TUFT1: variants seen among roughly 807,000 people sequenced by gnomAD.
The protein encoded by TUFT1 is tuftelin 1, also known as tuftelin.
Under a neutral mutation model 57.8 loss-of-function variants are expected in TUFT1, and 43 were observed. That is an observed-to-expected ratio of 0.74 (90% CI 0.58 to 0.96). The LOEUF (loss-of-function observed/expected upper bound fraction) is 0.96, where lower values mean the gene tolerates loss of function less well. Among genes scored for constraint, TUFT1 ranks in the 40% least tolerant of loss-of-function variants. The pLI, the probability that TUFT1 is intolerant of heterozygous loss-of-function variation, is 0.00. For synonymous variants in TUFT1, 166 were observed against 176.7 expected, an observed-to-expected ratio of 0.94 and a Z score of 0.48; for missense variants, 459 against 489.0, an observed-to-expected ratio of 0.94 and a Z score of 0.58.
chr1:151,570,294 G>A (rs566067467), intron 7 of TUFT1, among the ~76,000 whole-genome samples: 1 of 152,280 alleles, frequency 6.6e-6, no homozygotes, highest in Admixed American at 6.5e-5. Context: ...TTTGTGGTCT[G>A]GAATGAGTAT....
intron 1 of TUFT1, among the ~76,000 whole-genome samples, chr1:151,547,310 C>T (rs1665370991): frequency 6.6e-6 from 1 of 152,188 alleles, no homozygotes; most frequent in East Asian, 1.9e-4. Flanking sequence ...CATAGTTCTC[C>T]AGGGTGGAGG....
At chr1:151,570,298 T>C (rs1666216906) in intron 7 of TUFT1, among the ~76,000 whole-genome samples, 3 of 152,202 alleles carry the variant, frequency 2.0e-5, no homozygotes, top group Admixed American at 2.0e-4. Context: ...TGGTCTGGAA[T>C]GAGTATCTTT....
chr1:151,555,641 G>A (rs1275743702), intron 1 of TUFT1, among the ~76,000 whole-genome samples: 2 of 151,746 alleles, frequency 1.3e-5, no homozygotes, highest in African/African-American at 2.4e-5. Flanking sequence ...GCCGGACGTT[G>A]TGGTGGGTGC....
chr1:151,553,175 T>A (rs1665564893), intron 1 of TUFT1, among the ~76,000 whole-genome samples: 1 of 151,948 alleles, frequency 6.6e-6, no homozygotes, highest in South Asian at 2.1e-4. Flanking sequence ...CACAGCAACC[T>A]CCACCTCCCA....
intron 8 of TUFT1, 151 bp from the exon 9 acceptor site, chr1:151,574,760 A>T: frequency 4.3e-6 from 3 of 694,992 alleles, no homozygotes; most frequent in Non-Finnish European, 7.3e-6. Context: ...TCATCAAGGG[A>T]TGGCTCCCCA....
At chr1:151,579,543 TG>T in intron 10 of TUFT1, 105 bp from the exon 11 acceptor site, 1 of 1,013,082 alleles carries the variant, frequency 9.9e-7, no homozygotes, top group Non-Finnish European at 1.5e-6. Flanking sequence ...TGAAGTCATA[TG>T]GAGTTGCAGG....
Position 151,581,758 on chromosome 1 carries a change from C to T in TUFT1, c.*51C>T, listed in dbSNP as rs1429432083. 1.2e-5 allele frequency: 19 copies of T among 1,592,056 alleles called. No homozygotes were observed. The highest frequency in any genetic ancestry group is 1.5e-5 in the Non-Finnish European group (17 of 1,160,352). On this transcript the variant is annotated 3_prime_UTR_variant, in exon 13 of 13. Coordinates refer to ENST00000368849, the MANE Select transcript of TUFT1 (RefSeq NM_020127.3). ...TGCTGCTGCCTCTGCCTCGGAGAAG[C>T]CCACTGCCCCTGTTGGCTGTTAACA...
intron 9 of TUFT1, among the ~76,000 whole-genome samples, chr1:151,576,952 T>C (rs1382205468): frequency 1.3e-5 from 2 of 152,274 alleles, no homozygotes; most frequent in Non-Finnish European, 2.9e-5. Flanking sequence ...TAAAAAGTTT[T>C]TCATTGACAC....
At chr1:151,547,021 T>TG (rs529469840) in intron 1 of TUFT1, among the ~76,000 whole-genome samples, 24 of 152,304 alleles carry the variant, frequency 1.6e-4, no homozygotes, top group Non-Finnish European at 2.6e-4. Flanking sequence ...CATCTGAGTG[T>TG]GGGGAAAAAC....
chr1:151,552,580 G>A (rs1326506348), intron 1 of TUFT1, among the ~76,000 whole-genome samples: 6 of 151,722 alleles, frequency 4.0e-5, no homozygotes, highest in African/African-American at 7.3e-5. Flanking sequence ...GGGACACGCC[G>A]GTAATCCCAG....
intron 12 of TUFT1, 67 bp downstream of exon 12, chr1:151,581,109 G>A: frequency 7.0e-7 from 1 of 1,434,466 alleles, no homozygotes. Context: ...GAGCTCTGTA[G>A]AACCTTTAGT....
intron 1 of TUFT1, among the ~76,000 whole-genome samples, chr1:151,550,504 C>T (rs1015331826): frequency 6.6e-6 from 1 of 150,844 alleles, no homozygotes; most frequent in African/African-American, 2.4e-5. Context: ...ACCACCAGGC[C>T]CAGCTAATTT....
chr1:151,560,245 G>A (rs1280929172), intron 1 of TUFT1, among the ~76,000 whole-genome samples: 1 of 151,388 alleles, frequency 6.6e-6, no homozygotes, highest in African/African-American at 2.4e-5. Flanking sequence ...GCGAAACCCC[G>A]TCTCTACTAA....
At chr1:151,562,798 A>G in intron 3 of TUFT1, 112 bp downstream of exon 3, 1 of 840,930 alleles carries the variant, frequency 1.2e-6, no homozygotes, top group South Asian at 1.5e-5. Flanking sequence ...GATGGAAGGA[A>G]CCAGACCTGA....
In TUFT1 at chr1:151,567,656, G is replaced by A. The variant is rs180676460; in HGVS notation, c.480+1428G>A. Among the ~76,000 whole-genome samples, 6 of 152,058 alleles carry A rather than the reference G, an allele frequency of 3.9e-5. No individual in the cohort carries two copies. In the East Asian group the frequency reaches 7.8e-4, roughly 20 times the overall value. ...CACCTCCTGGGTTCAAGCAATTCTC[G>A]TGCCTCAGCGTACTGAGTAGCTGGG... On this transcript the variant is annotated intron_variant, in intron 6 of 12. Coordinates refer to ENST00000368849, the MANE Select transcript of TUFT1 (RefSeq NM_020127.3).
intron 7 of TUFT1, among the ~76,000 whole-genome samples, chr1:151,572,580 A>G (rs1304246278): frequency 6.6e-6 from 1 of 152,140 alleles, no homozygotes; most frequent in East Asian, 1.9e-4. Flanking sequence ...TCAGGTTAAT[A>G]TGGGTCATAT....
intron 8 of TUFT1, among the ~76,000 whole-genome samples, 186 bp downstream of exon 8, chr1:151,574,584 G>C (rs115792243): frequency 0.024 from 3,690 of 152,314 alleles, 163 homozygotes; most frequent in African/African-American, 0.079. Context: ...CCCCTAACTA[G>C]AGTTGATCCT....
In TUFT1 at chr1:151,581,097, C is replaced by T. The variant is rs947966140; in HGVS notation, c.1109+55C>T. 37 of 1,509,968 alleles carry T rather than the reference C, an allele frequency of 2.5e-5. No homozygotes were observed. The East Asian group carries it at 7.9e-4, about 32-fold the overall frequency. 93.5% of individuals were successfully genotyped at this position (1,509,968 alleles called of 1,614,324 possible). A position where few individuals can be genotyped will look rare whatever the true frequency, so the allele number is the denominator to read the frequency against. ...CCAGGGAGGAGGGGAGAAGGAGGGA[C>T]AGAGCTCTGTAGAACCTTTAGTGCT... On this transcript the variant is annotated intron_variant, in intron 12 of 12. Coordinates refer to ENST00000368849, the MANE Select transcript of TUFT1 (RefSeq NM_020127.3).
intron 4 of TUFT1, among the ~76,000 whole-genome samples, chr1:151,564,302 CAT>C (rs1453981431): frequency 1.3e-5 from 2 of 152,154 alleles, no homozygotes; most frequent in African/African-American, 4.8e-5. Flanking sequence ...GCCCATATAA[CAT>C]ATTACACATT....
Sources: gnomAD v4.1 joint callset for allele counts (sites outside exome capture counted in the v4.1 genomes callset) on GRCh38, gnomAD v4.1.1 for gene constraint, MANE v1.5 for transcripts, NCBI Gene and HGNC (gene_info 2026-07-23, HGNC 2026-07-21) for gene names.